The following DUSP22 variants were observed in gnomAD, a reference collection of about 807,000 sequenced individuals.
DUSP22 encodes the protein dual specificity phosphatase 22.
DUSP22 carries 24 observed loss-of-function variants against 24.5 expected under a neutral mutation model. The observed-to-expected ratio is 0.98, with a 90% CI of 0.71 to 1.38. DUSP22 has a LOEUF of 1.38. Ranked by LOEUF, DUSP22 falls within the 40% of genes most tolerant of loss-of-function variation. The pLI, the probability that DUSP22 is intolerant of heterozygous loss-of-function variation, is 0.00. For synonymous variants in DUSP22, 160 were observed against 106.4 expected, an observed-to-expected ratio of 1.50 and a Z score of -3.10; for missense variants, 330 against 269.2, an observed-to-expected ratio of 1.23 and a Z score of -1.58.
At chr6:295,630 A>C (rs11756317) in intron 1 of DUSP22, among the ~76,000 whole-genome samples, 25,373 of 145,174 alleles carry the variant, frequency 0.17, 558 homozygotes, top group Non-Finnish European at 0.19. Flanking sequence ...CAAAAAAAAA[A>C]CCCACAAAAA....
chr6:322,551 A>G (rs1264054204), intron 3 of DUSP22, among the ~76,000 whole-genome samples: 2 of 152,306 alleles, frequency 1.3e-5, no homozygotes, highest in African/African-American at 4.8e-5. Flanking sequence ...GACACTGGAA[A>G]GGGGAGACTA....
At chr6:335,992 AT>A (rs1759347055) in intron 4 of DUSP22, among the ~76,000 whole-genome samples, 1 of 152,306 alleles carries the variant, frequency 6.6e-6, no homozygotes, top group South Asian at 2.1e-4. Context: ...GTGGAGACAG[AT>A]AGGATTAGGT....
At chr6:328,228 A>C (rs998931552) in intron 3 of DUSP22, among the ~76,000 whole-genome samples, 3 of 152,308 alleles carry the variant, frequency 2.0e-5, no homozygotes, top group Non-Finnish European at 4.4e-5. Flanking sequence ...CCCAGTTTTC[A>C]TGAGTCACAA....
At chr6:337,528 C>T (rs973798585) in intron 4 of DUSP22, among the ~76,000 whole-genome samples, 1 of 152,306 alleles carries the variant, frequency 6.6e-6, no homozygotes, top group African/African-American at 2.4e-5. Context: ...CCAGCTTCTT[C>T]TCTGAGTTCT....
In DUSP22 at chr6:304,672, G is replaced by A. The variant is rs1421089757; in HGVS notation, c.55+11G>A. The A allele has an allele frequency of 6.2e-6, 10 of 1,614,056 alleles. No homozygotes were observed. The highest frequency in any genetic ancestry group is 8.5e-6 in the Non-Finnish European group (10 of 1,179,966). ...TCGGCAACTTCAAAGGTGAGTTCTT[G>A]CTTTTTTATTGTTGTGATAAAATAC... On this transcript the variant is annotated intron_variant, in intron 2 of 6. Coordinates refer to ENST00000419235, the MANE Select transcript of DUSP22 (RefSeq NM_001286555.3).
intron 2 of DUSP22, among the ~76,000 whole-genome samples, chr6:309,393 A>G (rs1282761248): frequency 6.6e-6 from 1 of 152,310 alleles, no homozygotes; most frequent in African/African-American, 2.4e-5. Flanking sequence ...AATACTTGAA[A>G]ACAATAGCCC....
chr6:308,434 A>T (rs533258709), intron 2 of DUSP22, among the ~76,000 whole-genome samples: 5 of 152,292 alleles, frequency 3.3e-5, no homozygotes, highest in Middle Eastern at 3.2e-3. Flanking sequence ...TAAGCATTTT[A>T]TGCACTCTGA....
At chr6:348,501 T>G (rs1581197107) in intron 6 of DUSP22, 1 of 856,644 alleles carries the variant, frequency 1.2e-6, no homozygotes, top group East Asian at 2.7e-5. Context: ...TGCCTGGTAC[T>G]CCCTACTAGT....
At chr6:328,609 A>G (rs1245871430) in intron 3 of DUSP22, among the ~76,000 whole-genome samples, 1 of 152,302 alleles carries the variant, frequency 6.6e-6, no homozygotes, top group African/African-American at 2.4e-5. Flanking sequence ...AGTACCACAG[A>G]GTTCTTGGAA....
chr6:300,861 T>C (rs1362368245), intron 1 of DUSP22, among the ~76,000 whole-genome samples: 1 of 152,302 alleles, frequency 6.6e-6, no homozygotes, highest in East Asian at 1.9e-4. Context: ...CCTGGAAGGC[T>C]GGAGAGCCAG....
At position 311,868 on chromosome 6, in the gene DUSP22, C is replaced by G. The variant is rs1235366278; in HGVS notation, c.56-12C>G. On this transcript the variant is annotated splice_polypyrimidine_tract_variant and intron_variant, in intron 2 of 6. Transcript: ENST00000419235. The stretch of plus-strand genomic sequence containing the variant: ...AGATATCAAAATGTCCATCCCCTTT[C>G]TTCTCTGACAGATGCCAGAGACGCG... The G allele has an allele frequency of 6.2e-7, 1 of 1,608,514 alleles. No homozygotes were observed. The highest frequency in any genetic ancestry group is 1.7e-5 in the Admixed American group (1 of 59,676).
chr6:338,616 A>G (rs1401766601), intron 4 of DUSP22, among the ~76,000 whole-genome samples: 1 of 152,306 alleles, frequency 6.6e-6, no homozygotes, highest in Non-Finnish European at 1.5e-5. Flanking sequence ...TGCAGGACCT[A>G]AACAATTTGA....
chr6:314,021 G>A (rs1758224493), intron 3 of DUSP22, among the ~76,000 whole-genome samples: 1 of 152,308 alleles, frequency 6.6e-6, no homozygotes, highest in Admixed American at 6.5e-5. Context: ...GATGAGTCAG[G>A]GAAATGATGT....
chr6:299,467 A>G (rs373704085), intron 1 of DUSP22, among the ~76,000 whole-genome samples: 4 of 152,414 alleles, frequency 2.6e-5, no homozygotes, highest in Admixed American at 2.6e-4. Flanking sequence ...TGAAATATTC[A>G]TGGGCCTTTT....
intron 4 of DUSP22, among the ~76,000 whole-genome samples, chr6:335,773 C>G (rs565226542): frequency 2.0e-5 from 3 of 152,304 alleles, no homozygotes; most frequent in Non-Finnish European, 4.4e-5. Context: ...AGCTGTGTTT[C>G]CAGGGCTTGA....
intron 1 of DUSP22, among the ~76,000 whole-genome samples, chr6:300,509 C>T (rs530308383): frequency 7.9e-5 from 12 of 152,414 alleles, no homozygotes; most frequent in East Asian, 1.9e-4. Flanking sequence ...AGAAGGGAGA[C>T]GCTAAGAAGC....
chr6:311,564 CAGCTACTCGGGA>C (rs1241989987), intron 2 of DUSP22, among the ~76,000 whole-genome samples: 1 of 152,300 alleles, frequency 6.6e-6, no homozygotes, highest in Non-Finnish European at 1.5e-5. Context: ...CCTGTAGTCC[CAGCTACTCGGGA>C]AGCTGAGGCA....
chr6:318,355 T>G (rs1758427830), intron 3 of DUSP22, among the ~76,000 whole-genome samples: 1 of 152,308 alleles, frequency 6.6e-6, no homozygotes, highest in Admixed American at 6.5e-5. Context: ...TTCATGGAGC[T>G]TATCCTCATT....
At chr6:335,801 C>T (rs1316479975) in intron 4 of DUSP22, among the ~76,000 whole-genome samples, 5 of 152,412 alleles carry the variant, frequency 3.3e-5, no homozygotes, top group East Asian at 1.9e-4. Context: ...AGGAGGCTGG[C>T]GGCTGCCTTA....
Sources: gnomAD v4.1 joint callset for allele counts (sites outside exome capture counted in the v4.1 genomes callset) on GRCh38, gnomAD v4.1.1 for gene constraint, MANE v1.5 for transcripts, NCBI Gene and HGNC (gene_info 2026-07-23, HGNC 2026-07-21) for gene names.